The following GPR107 variants were observed in gnomAD, a reference collection of about 807,000 sequenced individuals.
GPR107 encodes protein GPR107.
In GPR107, 31 loss-of-function variants were observed where a neutral mutation model predicts 75.5. That is an observed-to-expected ratio of 0.41 (90% CI 0.31 to 0.55). GPR107 has a LOEUF of 0.55. GPR107 is among the 20% of genes least tolerant of loss of function. GPR107 has a pLI of 0.26. For missense variants in GPR107, 572 were observed against 665.7 expected (o/e 0.86, Z 1.55); for synonymous variants, 267 against 251.3 (o/e 1.06, Z -0.59).
At chr9:130,068,421 T>C (rs1267964370) in intron 1 of GPR107, among the ~76,000 whole-genome samples, 2 of 90,068 alleles carry the variant, frequency 2.2e-5, no homozygotes, top group South Asian at 4.6e-4. Context: ...TGGCAACTGA[T>C]TCAAATTTAA....
intron 1 of GPR107, among the ~76,000 whole-genome samples, chr9:130,058,193 A>G (rs917732365): frequency 6.6e-6 from 1 of 152,156 alleles, no homozygotes; most frequent in African/African-American, 2.4e-5. Flanking sequence ...CCTTTTAAGA[A>G]CAACTTTATT....
At chr9:130,125,272 G>A (rs1831647232) in intron 15 of GPR107, among the ~76,000 whole-genome samples, 1 of 151,854 alleles carries the variant, frequency 6.6e-6, no homozygotes, top group South Asian at 2.1e-4. Context: ...AGTAGAGACA[G>A]GGTTTCGCAA....
chr9:130,125,726 A>C (rs1831660934), intron 15 of GPR107, among the ~76,000 whole-genome samples: 1 of 150,670 alleles, frequency 6.6e-6, no homozygotes, highest in South Asian at 2.1e-4. Context: ...GTTCTTCTGC[A>C]GCCATTTTTG....
intron 1 of GPR107, among the ~76,000 whole-genome samples, chr9:130,072,725 G>C (rs563202791): frequency 2.6e-5 from 4 of 152,068 alleles, no homozygotes; most frequent in African/African-American, 9.6e-5. Flanking sequence ...TATGTTGGGG[G>C]GGGAACTGCT....
intron 14 of GPR107, among the ~76,000 whole-genome samples, chr9:130,115,907 T>C (rs909422071): frequency 2.0e-5 from 3 of 152,314 alleles, no homozygotes; most frequent in Admixed American, 6.5e-5. Context: ...CCAGCCAATG[T>C]GTGTTTTTTA....
intron 17 of GPR107, among the ~76,000 whole-genome samples, chr9:130,132,809 AT>A (rs782308291): frequency 0.015 from 1,540 of 104,458 alleles, 20 homozygotes; most frequent in Non-Finnish European, 0.02. Context: ...AAAAAAAAAT[AT>A]ATATATATTT....
rs760928331 is a variant in GPR107 at position 130,100,668 on chromosome 9, G to C, written c.979G>C (p.Glu327Gln). 2 of 1,613,248 alleles carry C rather than the reference G, an allele frequency of 1.2e-6. No individual in the cohort carries two copies. The highest frequency in any genetic ancestry group is 2.2e-5 in the South Asian group (2 of 91,062). Residue 327 changes from glutamate (E) to glutamine (Q), a missense_variant, in exon 11 of 18, where the codon GAA becomes CAA. By Grantham distance (29) the Glu-to-Gln change is conservative. Transcript: ENST00000347136. ...CATCTCCTCCCAGGGCTTCCCTATC[G>C]AAGGCTGGGCTGTTGTGTACTACAT... ...HYISSQGFPI[E>Q]GWAVVYYITH... is the part of the protein sequence containing the mutation.
At chr9:130,079,504 T>G in intron 4 of GPR107, 126 bp from the exon 5 acceptor site, 1 of 678,622 alleles carries the variant, frequency 1.5e-6, no homozygotes, top group East Asian at 2.8e-5. Context: ...AGAATGTGGA[T>G]AATAGAATCT....
rs148622268 is a variant in GPR107, at chr9:130,122,127, G to A, written c.1307-2788G>A. Among the ~76,000 whole-genome samples the A allele has an allele frequency of 8.2e-3, 1,241 of 152,228 alleles. 26 individuals carry two copies. The highest frequency in any genetic ancestry group is 0.029 in the African/African-American group (1,186 of 41,540). ...AGGATGGTCTCGATCTCCTGACCCC[G>A]TGATCCACCCGCCTCAGCCTCCCAA... is the stretch of plus-strand genomic sequence containing the variant. On this transcript the variant is annotated intron_variant, in intron 14 of 17. Coordinates refer to ENST00000347136, the MANE Select transcript of GPR107 (RefSeq NM_020960.5).
chr9:130,110,299 A>G, intron 14 of GPR107: 1 of 881,720 alleles, frequency 1.1e-6, no homozygotes. Flanking sequence ...AGTAAAGGGT[A>G]ACTTCCTTTA....
intron 5 of GPR107, among the ~76,000 whole-genome samples, chr9:130,082,832 G>T (rs967198647): frequency 1.3e-5 from 2 of 151,940 alleles, no homozygotes; most frequent in Non-Finnish European, 2.9e-5. Flanking sequence ...TTCCATGAAA[G>T]AAGCCATTAG....
chr9:130,091,776 A>C (rs1830744918), intron 8 of GPR107, among the ~76,000 whole-genome samples: 1 of 151,012 alleles, frequency 6.6e-6, no homozygotes, highest in African/African-American at 2.4e-5. Context: ...GCTCACTGCA[A>C]CCTCTGCCTC....
intron 7 of GPR107, among the ~76,000 whole-genome samples, chr9:130,088,248 G>A (rs1312496555): frequency 2.0e-5 from 3 of 152,036 alleles, no homozygotes; most frequent in Admixed American, 2.0e-4. Context: ...CACACAAGCC[G>A]CCTTGCTTTT....
intron 6 of GPR107, 86 bp downstream of exon 6, chr9:130,083,688 A>C (rs1341806008): frequency 4.3e-6 from 3 of 697,104 alleles, no homozygotes; most frequent in Admixed American, 3.1e-5. Flanking sequence ...GTGTGTATTG[A>C]TATATATACA....
chr9:130,135,297 A>T lies in GPR107; in HGVS notation c.*176A>T. On this transcript the variant is annotated 3_prime_UTR_variant, in exon 18 of 18. Transcript: ENST00000347136. ...TGATTTTGTACTCTCTTTTATGGAA[A>T]CGATCTGTGGCTGTTTAGAGGCAGC... The T allele has an allele frequency of 2.0e-6, 1 of 488,792 alleles. No homozygotes were observed. The highest frequency in any genetic ancestry group is 3.6e-6 in the Non-Finnish European group (1 of 278,024). The allele number at this position is 488,792 out of a possible 1,614,324, so 30.3% of individuals were successfully genotyped here.
At chr9:130,107,647 T>A in intron 14 of GPR107, 108 bp downstream of exon 14, 1 of 816,308 alleles carries the variant, frequency 1.2e-6, no homozygotes, top group Non-Finnish European at 2.2e-6. Flanking sequence ...GCTGTCTTCC[T>A]GGGAGGAGAG....
Position 130,128,621 on chromosome 9 carries a change from G to C in GPR107, c.1441-19G>C, listed in dbSNP as rs1355183173. The C allele has an allele frequency of 6.2e-7, 1 of 1,601,970 alleles. No individual in the cohort carries two copies. Among genetic ancestry groups the C allele is most frequent in the African/African-American group, 1.3e-5 (1 of 74,524 alleles). On this transcript the variant is annotated intron_variant, in intron 16 of 17. Transcript: ENST00000347136. ...GTGTTGCTAATCTCTTTATTTTGGG[G>C]TGGTTTTTAAACTTGCAGCTCCTGG...
At chr9:130,079,117 C>G (rs534661726) in intron 4 of GPR107, among the ~76,000 whole-genome samples, 95 of 152,236 alleles carry the variant, frequency 6.2e-4, no homozygotes, top group African/African-American at 2.2e-3. Flanking sequence ...TGCCAACACA[C>G]CCGGCCAGTT....
chr9:130,100,644 A>G lies in GPR107; in HGVS notation c.955A>G (p.Ile319Val), dbSNP rs749433522. The change falls in exon 11 of 18, where the codon ATC becomes GTC. Residue 319 changes from isoleucine to valine, a missense_variant. By Grantham distance (29) the Ile-to-Val change is conservative. Coordinates refer to ENST00000347136, the MANE Select transcript of GPR107 (RefSeq NM_020960.5). ...LVFHAIDYHY[I>V]SSQGFPIEGW... is the part of the protein sequence containing the mutation. Reference sequence around the variant, plus strand: ...TTGATTTCAGATTGACTACCACTACATCTCCTCCCAGGGCTTCCCTATCGA... The same window carrying G: ...TTGATTTCAGATTGACTACCACTACGTCTCCTCCCAGGGCTTCCCTATCGA... 29 of 1,612,284 alleles carry G rather than the reference A, an allele frequency of 1.8e-5. No individual in the cohort carries two copies. The highest frequency in any genetic ancestry group is 2.4e-5 in the Non-Finnish European group (28 of 1,178,370).
Sources: allele counts gnomAD v4.1 joint callset (sites outside exome capture counted in the v4.1 genomes callset), GRCh38; gene constraint gnomAD v4.1.1; transcripts MANE v1.5; gene names NCBI Gene and HGNC (gene_info 2026-07-23, HGNC 2026-07-21).